The following ABCA8 variants were observed in gnomAD, a reference collection of about 807,000 sequenced individuals.
ABCA8 encodes the protein ATP binding cassette subfamily A member 8, also known as ABC-type organic anion transporter ABCA8.
In ABCA8, 177 loss-of-function variants were observed where a neutral mutation model predicts 192.3. That is an observed-to-expected ratio of 0.92 (90% CI 0.81 to 1.04). The LOEUF (loss-of-function observed/expected upper bound fraction) is 1.04, where lower values mean the gene tolerates loss of function less well. ABCA8 is among the 50% of genes least tolerant of loss of function. The pLI, the probability that ABCA8 is intolerant of heterozygous loss-of-function variation, is 0.00. For missense variants in ABCA8, 1,915 were observed against 1,904.8 expected (o/e 1.01, Z -0.10); for synonymous variants, 642 against 690.2 (o/e 0.93, Z 1.09).
At chr17:68,870,658 G>A (rs897831963) in intron 37 of ABCA8, among the ~76,000 whole-genome samples, 18 of 152,144 alleles carry the variant, frequency 1.2e-4, no homozygotes, top group African/African-American at 4.3e-4. Flanking sequence ...GTTCATCTGT[G>A]CTGTCACATG....
intron 5 of ABCA8, among the ~76,000 whole-genome samples, chr17:68,934,634 A>T (rs981174954): frequency 1.3e-5 from 2 of 152,220 alleles, no homozygotes; most frequent in African/African-American, 4.8e-5. Context: ...CTGGAAGAAG[A>T]GGAGAATAGG....
In ABCA8 at chr17:68,907,772, G is replaced by A. The variant is rs1482582617; in HGVS notation, c.2246C>T (p.Thr749Ile). ...TTTATTTGTTCTTTCTAAGGGTAAT[G>A]TATAAATAAGTTTTCCTTCGCTTTT... Reference protein sequence around the residue: ...SAKSEGKLIYTLPLERTNKFP... With the variant: ...SAKSEGKLIYILPLERTNKFP... Residue 749 changes from threonine to isoleucine, a missense_variant, in exon 18 of 40, where the codon ACA (threonine) becomes ATA (isoleucine). Thr to Ile is a moderately conservative substitution (Grantham distance 89). Coordinates refer to ENST00000586539, the MANE Select transcript of ABCA8 (RefSeq NM_001288985.2). 4 of 1,606,454 alleles carry A rather than the reference G, an allele frequency of 2.5e-6. No individual in the cohort carries two copies. Among genetic ancestry groups the A allele is most frequent in the Admixed American group, 3.4e-5 (2 of 59,098 alleles).
chr17:68,938,894 C>T (rs1447315720), intron 4 of ABCA8, among the ~76,000 whole-genome samples: 1 of 152,108 alleles, frequency 6.6e-6, no homozygotes, highest in African/African-American at 2.4e-5. Context: ...TAATCCAAAA[C>T]AGAATAACTA....
At chr17:68,930,405 G>T (rs1372795610) in intron 7 of ABCA8, among the ~76,000 whole-genome samples, 4 of 151,824 alleles carry the variant, frequency 2.6e-5, no homozygotes, top group African/African-American at 7.3e-5. Context: ...GATTTTTTTT[G>T]AATCCCATTC....
chr17:68,875,824 G>T, intron 35 of ABCA8, 91 bp from the exon 36 acceptor site: 1 of 1,411,246 alleles, frequency 7.1e-7, no homozygotes. Flanking sequence ...GCATGCGTGT[G>T]AATAATTAGC....
intron 1 of ABCA8, among the ~76,000 whole-genome samples, chr17:68,951,445 C>T (rs1046304282): frequency 4.6e-5 from 7 of 152,188 alleles, no homozygotes; most frequent in African/African-American, 1.7e-4. Context: ...CTGTAACTCA[C>T]CATTTAGGTG....
intron 13 of ABCA8, 21 bp downstream of exon 13, chr17:68,921,361 A>G (rs759555853): frequency 3.2e-6 from 5 of 1,556,408 alleles, no homozygotes; most frequent in Non-Finnish European, 4.4e-6. Context: ...TTAAAAAAAA[A>G]GAAAACAAAC....
At chr17:68,900,981 A>T (rs576683783) in intron 21 of ABCA8, among the ~76,000 whole-genome samples, 17 of 122,832 alleles carry the variant, frequency 1.4e-4, no homozygotes, top group African/African-American at 4.4e-4. Context: ...CAGCAAAATC[A>T]TCACAAAAAA....
At chr17:68,913,265 A>T (rs192289839) in intron 17 of ABCA8, among the ~76,000 whole-genome samples, 1 of 152,234 alleles carries the variant, frequency 6.6e-6, no homozygotes, top group African/African-American at 2.4e-5. Context: ...TAAATGGAGA[A>T]TTTATAGCAA....
chr17:68,868,380 A>G (rs2065968529), intron 38 of ABCA8, 24 bp from the exon 39 acceptor site: 1 of 1,586,008 alleles, frequency 6.3e-7, no homozygotes, highest in African/African-American at 1.3e-5. Flanking sequence ...AACATGTATT[A>G]GTTCATATAT....
chr17:68,901,692 C>G (rs2066916992), intron 21 of ABCA8, among the ~76,000 whole-genome samples: 1 of 151,886 alleles, frequency 6.6e-6, no homozygotes, highest in South Asian at 2.1e-4. Flanking sequence ...CCTGTAGTCC[C>G]AGCTACTTGG....
At chr17:68,935,458 G>T (rs1227184701) in intron 5 of ABCA8, among the ~76,000 whole-genome samples, 3 of 146,516 alleles carry the variant, frequency 2.0e-5, no homozygotes, top group Non-Finnish European at 4.5e-5. Context: ...CTATCTCTAT[G>T]GTTCTTTTGA....
At chr17:68,869,386 A>G (rs1489203765) in intron 38 of ABCA8, among the ~76,000 whole-genome samples, 1 of 152,208 alleles carries the variant, frequency 6.6e-6, no homozygotes, top group East Asian at 1.9e-4. Flanking sequence ...ATGTATGCAT[A>G]GATGTTTCAA....
rs76355721 is a variant in ABCA8, at chr17:68,947,656, G to A, written c.-6+1656C>T. The stretch of plus-strand genomic sequence containing the variant: ...TAAATATGACTGGTCTATTCAAGTT[G>A]TCTGTTTCAACTTGATCCAATTTTG... On this transcript the variant is annotated intron_variant, in intron 2 of 39. Transcript: ENST00000586539. Among the ~76,000 whole-genome samples, 464 of 152,240 alleles carry A rather than the reference G, an allele frequency of 3.0e-3. 6 individuals are homozygous for A. In the East Asian group the frequency reaches 0.046, roughly 15 times the overall value.
chr17:68,948,501 G>A (rs114618762), intron 2 of ABCA8, among the ~76,000 whole-genome samples: 3,005 of 152,120 alleles, frequency 0.02, 106 homozygotes, highest in African/African-American at 0.067. Flanking sequence ...GATCAGTGGT[G>A]ATGAGTTTTT....
chr17:68,937,021 T>C lies in ABCA8; in HGVS notation c.396A>G (p.Thr132=), dbSNP rs755345979. The C allele has an allele frequency of 1.7e-5, 28 of 1,610,912 alleles. No individual in the cohort carries two copies. Among genetic ancestry groups the C allele is most frequent in the Non-Finnish European group, 2.4e-5 (28 of 1,178,616 alleles). Residue 132 remains threonine (T), a synonymous_variant, in exon 5 of 40, where the codon ACA becomes ACG. Coordinates refer to ENST00000586539, the MANE Select transcript of ABCA8 (RefSeq NM_001288985.2). ...EEIVRVTFTN[T]YSYHLKFLLG... ...GCAAGAACTTCAAATGATATGAGTATGTATTAGTAAAGGTGACTCTTACTA... is the reference window on the plus strand; with the variant it reads ...GCAAGAACTTCAAATGATATGAGTACGTATTAGTAAAGGTGACTCTTACTA...
chr17:68,919,290 T>A lies in ABCA8; in HGVS notation c.1788+11A>T, dbSNP rs1190531660. 6.3e-7 allele frequency: 1 copy of A among 1,588,642 alleles called. No individual in the cohort carries two copies. The highest frequency in any genetic ancestry group is 8.6e-7 in the Non-Finnish European group (1 of 1,165,874). The stretch of plus-strand genomic sequence containing the variant: ...TTTGACCAACACATTAACTTTAACA[T>A]ATTTTTGTACCTCTTTATCCACTTC... On this transcript the variant is annotated intron_variant, in intron 14 of 39. Coordinates refer to ENST00000586539, the MANE Select transcript of ABCA8 (RefSeq NM_001288985.2).
intron 21 of ABCA8, among the ~76,000 whole-genome samples, chr17:68,902,166 T>C (rs1258103303): frequency 1.3e-5 from 2 of 152,216 alleles, no homozygotes; most frequent in Non-Finnish European, 1.5e-5. Flanking sequence ...TTTGAAAACA[T>C]GCTAAGCGAA....
chr17:68,900,518 G>T (rs1254919446), intron 21 of ABCA8, among the ~76,000 whole-genome samples: 2 of 118,492 alleles, frequency 1.7e-5, no homozygotes, highest in African/African-American at 6.6e-5. Context: ...AACAAAAATT[G>T]TCAATCCTTC....
Sources: allele counts gnomAD v4.1 joint callset (sites outside exome capture counted in the v4.1 genomes callset), GRCh38; gene constraint gnomAD v4.1.1; transcripts MANE v1.5; gene names NCBI Gene and HGNC (gene_info 2026-07-23, HGNC 2026-07-21).